VAV3: variants seen among roughly 807,000 people sequenced by gnomAD.
VAV3 encodes the protein guanine nucleotide exchange factor VAV3.
VAV3 carries 94 observed loss-of-function variants against 131.2 expected under a neutral mutation model. That is an observed-to-expected ratio of 0.72 (90% CI 0.61 to 0.85). The LOEUF (loss-of-function observed/expected upper bound fraction) is 0.85, where lower values mean the gene tolerates loss of function less well. Among genes scored for constraint, VAV3 ranks in the 40% least tolerant of loss-of-function variants. The pLI is 0.00. For missense variants in VAV3, 939 were observed against 1,002.7 expected (o/e 0.94, Z 0.86); for synonymous variants, 349 against 342.0 (o/e 1.02, Z -0.22).
chr1:107,703,726 G>T (rs1276101669), intron 17 of VAV3, among the ~76,000 whole-genome samples: 1 of 152,134 alleles, frequency 6.6e-6, no homozygotes, highest in Non-Finnish European at 1.5e-5. Context: ...AAAATCAAAG[G>T]TTGACATGGC....
chr1:107,884,898 C>T (rs1197719095), intron 1 of VAV3, among the ~76,000 whole-genome samples: 1 of 152,048 alleles, frequency 6.6e-6, no homozygotes, highest in Non-Finnish European at 1.5e-5. Flanking sequence ...TAGTAGAATA[C>T]AGTAACTAAA....
intron 1 of VAV3, among the ~76,000 whole-genome samples, chr1:107,921,817 G>A (rs535552107): frequency 1.4e-4 from 22 of 152,052 alleles, no homozygotes; most frequent in Non-Finnish European, 2.4e-4. Flanking sequence ...TAAATATATC[G>A]TTTTGATTTT....
chr1:107,810,776 G>T (rs1362290215), intron 2 of VAV3, among the ~76,000 whole-genome samples: 1 of 151,990 alleles, frequency 6.6e-6, no homozygotes, highest in Non-Finnish European at 1.5e-5. Flanking sequence ...GATATCCTGA[G>T]ATCATCCCAC....
chr1:107,924,183 G>A (rs568733683), intron 1 of VAV3, among the ~76,000 whole-genome samples: 2 of 152,222 alleles, frequency 1.3e-5, no homozygotes, highest in South Asian at 2.1e-4. Flanking sequence ...TTATTGGTGA[G>A]AAGTGACAGA....
intron 25 of VAV3, among the ~76,000 whole-genome samples, chr1:107,592,161 A>G (rs1474275764): frequency 6.6e-6 from 1 of 152,002 alleles, no homozygotes; most frequent in East Asian, 1.9e-4. Flanking sequence ...GTCTCCTTTA[A>G]TCTGAAACAG....
chr1:107,850,587 G>A (rs1156480114), intron 2 of VAV3, among the ~76,000 whole-genome samples: 2 of 152,034 alleles, frequency 1.3e-5, no homozygotes, highest in African/African-American at 4.8e-5. Flanking sequence ...GGGGGGCAAG[G>A]GGAGGGATTG....
At chr1:107,752,851 G>A (rs1320751636) in intron 12 of VAV3, among the ~76,000 whole-genome samples, 1 of 152,172 alleles carries the variant, frequency 6.6e-6, no homozygotes, top group Non-Finnish European at 1.5e-5. Flanking sequence ...ATTGGTAGTA[G>A]GAAAGTTAAG....
chr1:107,618,215 T>G (rs1377411327), intron 20 of VAV3, among the ~76,000 whole-genome samples: 3 of 152,098 alleles, frequency 2.0e-5, no homozygotes, highest in Non-Finnish European at 4.4e-5. Context: ...AGTCTGGGGG[T>G]TGGGGACACC....
intron 25 of VAV3, among the ~76,000 whole-genome samples, chr1:107,574,850 T>C (rs921186063): frequency 2.6e-5 from 4 of 152,224 alleles, no homozygotes; most frequent in Non-Finnish European, 5.9e-5. Context: ...AAATACCATC[T>C]ATATTTTCTT....
At chr1:107,596,446 A>G (rs966407444) in intron 24 of VAV3, 105 bp from the exon 25 acceptor site, 1 of 1,276,098 alleles carries the variant, frequency 7.8e-7, no homozygotes, top group Non-Finnish European at 1.1e-6. Flanking sequence ...ATTTAATGCT[A>G]AATTTTCCAT....
rs1663550809 is a variant in VAV3, at chr1:107,749,228, T to C, written c.1393-151A>G. The C allele has an allele frequency of 6.2e-6, 5 of 809,038 alleles. No individual in the cohort carries two copies. In the East Asian group the frequency reaches 1.1e-4, roughly 18 times the overall value. 50.1% of individuals were successfully genotyped at this position (809,038 alleles called of 1,614,324 possible). Reference sequence around the variant, plus strand: ...CTTATTGTAGTCAACTTCATATCTATAACAATTTCTATGCCAAATGCGTTT... The same window carrying C: ...CTTATTGTAGTCAACTTCATATCTACAACAATTTCTATGCCAAATGCGTTT... On this transcript the variant is annotated intron_variant, in intron 14 of 26. Transcript: ENST00000370056.
At chr1:107,810,191 T>C (rs1667251925) in intron 2 of VAV3, among the ~76,000 whole-genome samples, 2 of 152,148 alleles carry the variant, frequency 1.3e-5, no homozygotes, top group South Asian at 4.2e-4. Flanking sequence ...TTTTCAACCT[T>C]GCCTTTGGGG....
At chr1:107,588,326 T>C (rs1243349912) in intron 25 of VAV3, among the ~76,000 whole-genome samples, 1 of 152,166 alleles carries the variant, frequency 6.6e-6, no homozygotes, top group Non-Finnish European at 1.5e-5. Flanking sequence ...CATAGAATAG[T>C]GTGTATACCG....
chr1:107,700,462 C>T (rs1660037458), intron 17 of VAV3, among the ~76,000 whole-genome samples: 1 of 152,208 alleles, frequency 6.6e-6, no homozygotes, highest in Admixed American at 6.5e-5. Context: ...TTCCCCCACC[C>T]TGCTTACAGA....
At chr1:107,724,790 G>C (rs58620540) in intron 15 of VAV3, among the ~76,000 whole-genome samples, 1 of 152,080 alleles carries the variant, frequency 6.6e-6, no homozygotes, top group African/African-American at 2.4e-5. Context: ...TCTGGAAGCT[G>C]CCAGGAAGGA....
intron 19 of VAV3, among the ~76,000 whole-genome samples, chr1:107,646,737 A>T (rs1305613820): frequency 6.6e-6 from 1 of 152,036 alleles, no homozygotes; most frequent in African/African-American, 2.4e-5. Context: ...AGTCAAACTT[A>T]TGCAGGAGGA....
intron 1 of VAV3, among the ~76,000 whole-genome samples, chr1:107,934,850 A>C (rs1390162865): frequency 6.6e-6 from 1 of 152,250 alleles, no homozygotes; most frequent in Admixed American, 6.5e-5. Flanking sequence ...ATGCTAAACA[A>C]AATATAGCGG....
At chr1:107,660,689 T>C (rs972227408) in intron 19 of VAV3, among the ~76,000 whole-genome samples, 3 of 152,242 alleles carry the variant, frequency 2.0e-5, no homozygotes, top group South Asian at 2.1e-4. Flanking sequence ...TTCATCACTA[T>C]GCATATTAAT....
chr1:107,887,470 C>A (rs1442132676), intron 1 of VAV3, among the ~76,000 whole-genome samples: 30 of 152,178 alleles, frequency 2.0e-4, no homozygotes, highest in Non-Finnish European at 3.1e-4. Context: ...ATAAAATCTG[C>A]AACCATTCAT....
Sources: allele counts gnomAD v4.1 joint callset (sites outside exome capture counted in the v4.1 genomes callset), GRCh38; gene constraint gnomAD v4.1.1; transcripts MANE v1.5; gene names NCBI Gene and HGNC (gene_info 2026-07-23, HGNC 2026-07-21).